The following TENM3 variants were observed in gnomAD, a reference collection of about 807,000 sequenced individuals.
TENM3 encodes teneurin-3.
A neutral mutation model predicts 255.1 loss-of-function variants in TENM3; 63 were observed. The observed-to-expected ratio is 0.25, with a 90% CI of 0.20 to 0.30. The LOEUF (loss-of-function observed/expected upper bound fraction) is 0.30, where lower values mean the gene tolerates loss of function less well. Among genes scored for constraint, TENM3 ranks in the 10% least tolerant of loss-of-function variants. TENM3 has a pLI of 1.00. For missense variants in TENM3, 2,929 were observed against 3,461.1 expected (o/e 0.85, Z 3.86); for synonymous variants, 1,306 against 1,322.3 (o/e 0.99, Z 0.27).
chr4:182,224,214 A>G (rs1461693246), intron 1 of TENM3, among the ~76,000 whole-genome samples: 1 of 152,206 alleles, frequency 6.6e-6, no homozygotes, highest in African/African-American at 2.4e-5. Context: ...TAATTAGTGT[A>G]TCCGTTCTTA....
chr4:182,338,957 A>T (rs1349177870), intron 2 of TENM3, among the ~76,000 whole-genome samples: 1 of 152,200 alleles, frequency 6.6e-6, no homozygotes, highest in Non-Finnish European at 1.5e-5. Context: ...TTCAAAAGAA[A>T]TATGACCATA....
At chr4:182,346,506 A>G in intron 2 of TENM3, 145 bp from the exon 3 acceptor site, 1 of 798,690 alleles carries the variant, frequency 1.3e-6, no homozygotes, top group Non-Finnish European at 1.9e-6. Context: ...GTGTGACGCT[A>G]CTGTAAACGC....
the TENM3 span, among the ~76,000 whole-genome samples, chr4:181,478,289 T>C: frequency 1.4e-4 from 21 of 152,246 alleles, no homozygotes; most frequent in African/African-American, 4.6e-4. Flanking sequence ...ACCTTACTAG[T>C]ACCTTTTGAA....
chr4:182,381,703 G>A (rs1341324000), intron 3 of TENM3, among the ~76,000 whole-genome samples: 1 of 151,892 alleles, frequency 6.6e-6, no homozygotes, highest in African/African-American at 2.4e-5. Context: ...CTGGGATTAC[G>A]GGCCTGCACC....
At chr4:181,509,447 T>G in the TENM3 span, among the ~76,000 whole-genome samples, 3 of 152,166 alleles carry the variant, frequency 2.0e-5, no homozygotes, top group African/African-American at 7.2e-5. Context: ...TTGTAACTCT[T>G]CGGGCTTCCT....
chr4:182,550,959 G>A (rs1000040384), intron 3 of TENM3, among the ~76,000 whole-genome samples: 9 of 152,150 alleles, frequency 5.9e-5, no homozygotes, highest in African/African-American at 1.7e-4. Context: ...AGTGGCTCAC[G>A]CCTGTAATCC....
chr4:182,110,995 A>C, the TENM3 span, among the ~76,000 whole-genome samples: 41 of 152,188 alleles, frequency 2.7e-4, no homozygotes, highest in African/African-American at 9.9e-4. Flanking sequence ...TGCTGTTGTT[A>C]GCATATTGAA....
chr4:181,550,453 G>A, the TENM3 span, among the ~76,000 whole-genome samples: 1 of 152,166 alleles, frequency 6.6e-6, no homozygotes, highest in Non-Finnish European at 1.5e-5. Flanking sequence ...ATAAGCACAT[G>A]CTCTGCAACC....
the TENM3 span, among the ~76,000 whole-genome samples, chr4:181,687,537 T>A: frequency 2.0e-5 from 3 of 152,324 alleles, no homozygotes; most frequent in Admixed American, 2.0e-4. Context: ...TGTTTGTTCA[T>A]GTCTTTAAAA....
rs377395756 is a variant in TENM3, at chr4:182,793,557, A to G, written c.6885A>G (p.Ala2295=). ...GCAGTGGGGATGAATTCTATATTGCATCGGATAACACAGGGACACCACTGG... is the reference window on the plus strand; with the variant it reads ...GCAGTGGGGATGAATTCTATATTGCGTCGGATAACACAGGGACACCACTGG... The part of the protein sequence containing the change: ...EISSGDEFYI[A]SDNTGTPLAV... Residue 2295 remains alanine (A), a synonymous_variant, in exon 26 of 28, where the codon GCA becomes GCG. Coordinates refer to ENST00000511685, the MANE Select transcript of TENM3 (RefSeq NM_001080477.4). This position sits in a 1 kb window ranked among gnomAD's most constrained non-coding sequence, Gnocchi z 5.7. The G allele has an allele frequency of 4.3e-6, 7 of 1,613,974 alleles. No homozygotes were observed. The highest frequency in any genetic ancestry group is 2.2e-5 in the South Asian group (2 of 91,092).
the TENM3 span, among the ~76,000 whole-genome samples, chr4:181,853,527 G>A: frequency 6.6e-6 from 1 of 152,186 alleles, no homozygotes; most frequent in Non-Finnish European, 1.5e-5. Context: ...CACTCTCGTT[G>A]ACTTTCTCAG....
the TENM3 span, among the ~76,000 whole-genome samples, chr4:182,116,635 A>G: frequency 3.7e-3 from 570 of 152,294 alleles, 6 homozygotes; most frequent in African/African-American, 0.013. Context: ...ACTGTGAGTC[A>G]ATTAAGCCTC....
At chr4:181,801,729 T>C in the TENM3 span, among the ~76,000 whole-genome samples, 1 of 135,594 alleles carries the variant, frequency 7.4e-6, no homozygotes, top group African/African-American at 2.7e-5. Context: ...TCACAAAGCC[T>C]AAAATACTTA....
At chr4:182,296,110 C>G (rs1477329112) in intron 1 of TENM3, among the ~76,000 whole-genome samples, 1 of 152,144 alleles carries the variant, frequency 6.6e-6, no homozygotes, top group South Asian at 2.1e-4. Context: ...ATTACAGGCA[C>G]GCACCACCGT....
chr4:182,251,432 A>T (rs1479313681), intron 1 of TENM3, among the ~76,000 whole-genome samples: 1 of 152,102 alleles, frequency 6.6e-6, no homozygotes, highest in African/African-American at 2.4e-5. Context: ...CACACCACTG[A>T]ACTCCAGCCT....
At chr4:181,867,756 G>T in the TENM3 span, among the ~76,000 whole-genome samples, 1 of 152,142 alleles carries the variant, frequency 6.6e-6, no homozygotes, top group African/African-American at 2.4e-5. Flanking sequence ...TTCCAGGCTT[G>T]TACCATAACC....
chr4:181,901,925 T>C, the TENM3 span, among the ~76,000 whole-genome samples: 1 of 152,098 alleles, frequency 6.6e-6, no homozygotes, highest in Non-Finnish European at 1.5e-5. Context: ...AAGTTCTTTT[T>C]CCCCTCTTCT....
the TENM3 span, among the ~76,000 whole-genome samples, chr4:181,610,682 G>A: frequency 6.6e-6 from 1 of 152,028 alleles, no homozygotes; most frequent in African/African-American, 2.4e-5. Context: ...GAAGGGGGAA[G>A]CAGGATATTT....
chr4:182,735,651 C>T (rs758433485), intron 16 of TENM3, among the ~76,000 whole-genome samples: 1 of 152,104 alleles, frequency 6.6e-6, no homozygotes, highest in Non-Finnish European at 1.5e-5. Context: ...TTTAATTCTT[C>T]GTGGAGAAAG....
Sources: gnomAD v4.1 joint callset for allele counts (sites outside exome capture counted in the v4.1 genomes callset) on GRCh38, gnomAD v4.1.1 for gene constraint, Gnocchi (gnomAD v3.1) non-coding constraint, MANE v1.5 for transcripts, NCBI Gene and HGNC (gene_info 2026-07-23, HGNC 2026-07-21) for gene names.